The following KLHL1 variants were observed in gnomAD, a reference collection of about 807,000 sequenced individuals.
KLHL1 encodes kelch-like protein 1.
Under a neutral mutation model 77.7 loss-of-function variants are expected in KLHL1, and 47 were observed. The observed-to-expected ratio is 0.60, with a 90% CI of 0.48 to 0.77. The LOEUF (loss-of-function observed/expected upper bound fraction) is 0.77. Ranked by LOEUF, KLHL1 falls within the 30% of genes least tolerant of loss-of-function variation. The pLI, the probability that KLHL1 is intolerant of heterozygous loss-of-function variation, is 0.00. For missense variants in KLHL1, 925 were observed against 910.8 expected (o/e 1.02, Z -0.20); for synonymous variants, 360 against 325.2 (o/e 1.11, Z -1.15).
intron 6 of KLHL1, among the ~76,000 whole-genome samples, chr13:69,801,855 ATTTTCT>A (rs531333007): frequency 4.6e-5 from 7 of 151,996 alleles, no homozygotes; most frequent in Admixed American, 3.9e-4. Flanking sequence ...CCCATTGATT[ATTTTCT>A]TTTTATTATT....
intron 1 of KLHL1, among the ~76,000 whole-genome samples, chr13:70,031,930 G>GTT (rs1266406864): frequency 2.6e-5 from 4 of 152,182 alleles, no homozygotes; most frequent in Non-Finnish European, 5.9e-5. Flanking sequence ...AGTACCTAGA[G>GTT]TTTCCAGGGA....
chr13:69,754,089 G>C (rs529658992), intron 7 of KLHL1, among the ~76,000 whole-genome samples: 1 of 151,890 alleles, frequency 6.6e-6, no homozygotes, highest in East Asian at 1.9e-4. Flanking sequence ...CAATCCACCT[G>C]CCTCAGCCTC....
At position 70,065,884 on chromosome 13, in the gene KLHL1, G is replaced by GA. The variant is rs111289446; in HGVS notation, c.497+41318dup. Among the ~76,000 whole-genome samples the GA allele has an allele frequency of 3.9e-3, 549 of 141,222 alleles. 11 individuals carry two copies. The East Asian group carries it at 0.063, about 16-fold the overall frequency. 92.6% of individuals were successfully genotyped at this position (141,222 alleles called of 152,430 possible). A position where few individuals can be genotyped will look rare whatever the true frequency, so the allele number is the denominator to read the frequency against. On this transcript the variant is annotated intron_variant, in intron 1 of 10. Transcript: ENST00000377844. ...TTCATTACTTCATCAAAACCAAGAT[G>GA]AAAAAAAAAAACTATTTAAAAGACA... is the stretch of plus-strand genomic sequence containing the variant.
chr13:69,714,833 A>G (rs934399790), intron 9 of KLHL1, among the ~76,000 whole-genome samples: 1 of 151,850 alleles, frequency 6.6e-6, no homozygotes, highest in Non-Finnish European at 1.5e-5. Flanking sequence ...AGCTCAAGCA[A>G]TCCACAGTTC....
intron 1 of KLHL1, among the ~76,000 whole-genome samples, chr13:70,028,347 A>T (rs967372012): frequency 2.0e-5 from 3 of 152,178 alleles, no homozygotes; most frequent in Non-Finnish European, 4.4e-5. Context: ...ATAATTCAGT[A>T]TATATATAGA....
intron 8 of KLHL1, among the ~76,000 whole-genome samples, chr13:69,726,463 G>A (rs1873300642): frequency 6.6e-6 from 1 of 152,048 alleles, no homozygotes; most frequent in Non-Finnish European, 1.5e-5. Flanking sequence ...ACAGTGAGTG[G>A]GATTTCACTA....
At chr13:69,923,305 T>A (rs1210184390) in intron 4 of KLHL1, among the ~76,000 whole-genome samples, 1 of 152,192 alleles carries the variant, frequency 6.6e-6, no homozygotes, top group Non-Finnish European at 1.5e-5. Context: ...TGGCCCACTT[T>A]GCCAGAAGTA....
At chr13:69,701,910 C>T (rs538386418) in intron 10 of KLHL1, 149 bp from the exon 11 acceptor site, 1 of 501,864 alleles carries the variant, frequency 2.0e-6, no homozygotes, top group African/African-American at 2.0e-5. Context: ...AATGAAAACA[C>T]TGAAAATGGC....
chr13:70,103,017 T>C (rs1486376123), intron 1 of KLHL1, among the ~76,000 whole-genome samples: 2 of 152,128 alleles, frequency 1.3e-5, no homozygotes, highest in African/African-American at 2.4e-5. Flanking sequence ...CAAGCTTCAA[T>C]AAGAATTTTT....
chr13:69,913,756 TA>T (rs1882322949), intron 4 of KLHL1, among the ~76,000 whole-genome samples: 1 of 152,212 alleles, frequency 6.6e-6, no homozygotes, highest in Non-Finnish European at 1.5e-5. Context: ...TTTTTATGTG[TA>T]AATCAATGTG....
At position 69,701,716 on chromosome 13, in the gene KLHL1, T is replaced by C. The variant is rs1244986463; in HGVS notation, c.2233A>G (p.Ile745Val). 8 of 1,608,636 alleles carry C rather than the reference T, an allele frequency of 5.0e-6. No individual in the cohort carries two copies. Among genetic ancestry groups the C allele is most frequent in the African/African-American group, 1.3e-5 (1 of 74,636 alleles). ...IGRAGACVVV[I>V]KQP ...ATATCAATAAGTCAAGGTTGCTTGA[T>C]GACTACCACACAGGCACCTGCTCTC... Residue 745 changes from isoleucine to valine, a missense_variant, in exon 11 of 11, where the codon ATC becomes GTC. Transcript: ENST00000377844.
chr13:69,887,178 T>C (rs1013149873), intron 4 of KLHL1, among the ~76,000 whole-genome samples: 4 of 152,218 alleles, frequency 2.6e-5, no homozygotes, highest in Admixed American at 1.3e-4. Context: ...TCATGATATA[T>C]GCATGGTTCT....
chr13:69,855,775 T>C (rs1879888029), intron 5 of KLHL1, among the ~76,000 whole-genome samples: 1 of 150,274 alleles, frequency 6.7e-6, no homozygotes, highest in African/African-American at 2.4e-5. Context: ...TTACCCAGTC[T>C]TGGGCAGCTC....
intron 1 of KLHL1, among the ~76,000 whole-genome samples, chr13:70,084,458 C>CTTATTTTTT: frequency 1.6e-5 from 1 of 62,774 alleles, no homozygotes; most frequent in Admixed American, 1.7e-4. Flanking sequence ...TCTATTTCTT[C>CTTATTTTTT]TTCTTCTTTT....
chr13:69,790,221 CTAATAA>C (rs1226517178), intron 7 of KLHL1, among the ~76,000 whole-genome samples: 2 of 151,862 alleles, frequency 1.3e-5, no homozygotes, highest in Admixed American at 1.3e-4. Context: ...CAAATATCTA[CTAATAA>C]TAAGAACACT....
intron 1 of KLHL1, among the ~76,000 whole-genome samples, chr13:70,024,819 T>G (rs1238652422): frequency 1.3e-5 from 2 of 151,888 alleles, no homozygotes; most frequent in Non-Finnish European, 2.9e-5. Flanking sequence ...GAGCTGCAAT[T>G]TGATTCCCTT....
chr13:69,711,191 G>A (rs1875861230), intron 9 of KLHL1, among the ~76,000 whole-genome samples: 1 of 152,024 alleles, frequency 6.6e-6, no homozygotes. Context: ...TTAACAAATA[G>A]AATTGAGAAT....
chr13:69,818,482 G>C (rs1878211910), intron 6 of KLHL1, among the ~76,000 whole-genome samples: 1 of 151,966 alleles, frequency 6.6e-6, no homozygotes, highest in South Asian at 2.1e-4. Flanking sequence ...GCCTCCCAAA[G>C]TGCTGGGATT....
chr13:69,930,157 T>A lies in KLHL1; in HGVS notation c.1014+9883A>T, dbSNP rs1285930609. The stretch of plus-strand genomic sequence containing the variant: ...TTAGCTTATGTTTATTAGCAAGTTT[T>A]ATATGAAATAAATCACTCATATTTC... On this transcript the variant is annotated intron_variant, in intron 4 of 10. Transcript: ENST00000377844. 3.3e-5 allele frequency among the ~76,000 whole-genome samples: 5 copies of A among 152,008 alleles called. 1 individual carries two copies. The South Asian group carries it at 8.3e-4, about 25-fold the overall frequency.
Sources: allele counts gnomAD v4.1 joint callset (sites outside exome capture counted in the v4.1 genomes callset), GRCh38; gene constraint gnomAD v4.1.1; transcripts MANE v1.5; gene names NCBI Gene and HGNC (gene_info 2026-07-23, HGNC 2026-07-21).